Variants in MPPED2 observed in about 807,000 individuals in gnomAD.
The protein encoded by MPPED2 is metallophosphoesterase domain containing 2.
A neutral mutation model predicts 33.0 loss-of-function variants in MPPED2; 5 were observed. The ratio of observed to expected loss-of-function variants is 0.15; its 90% CI spans 0.08 to 0.32. The LOEUF is 0.32. MPPED2 is among the 10% of genes least tolerant of loss of function. The probability of loss-of-function intolerance (pLI) is 1.00; values close to 1 mark genes in which losing one functional copy is unlikely to be tolerated. For synonymous variants in MPPED2, 136 were observed against 141.9 expected, an observed-to-expected ratio of 0.96 and a Z score of 0.29; for missense variants, 275 against 372.1, an observed-to-expected ratio of 0.74 and a Z score of 2.15.
At chr11:30,533,699 C>A (rs943036977) in intron 3 of MPPED2, among the ~76,000 whole-genome samples, 1 of 152,078 alleles carries the variant, frequency 6.6e-6, no homozygotes, top group Non-Finnish European at 1.5e-5. Flanking sequence ...CTTCTCTAAC[C>A]ATATCCCAGG....
intron 2 of MPPED2, among the ~76,000 whole-genome samples, chr11:30,579,053 T>C (rs2134899037): frequency 6.6e-6 from 1 of 151,786 alleles, no homozygotes; most frequent in South Asian, 2.1e-4. Context: ...AACGGCTGCT[T>C]TGCAGAAATC....
At chr11:30,548,713 G>A (rs111329861) in intron 2 of MPPED2, among the ~76,000 whole-genome samples, 45 of 152,312 alleles carry the variant, frequency 3.0e-4, no homozygotes, top group African/African-American at 1.1e-3. Context: ...AAGAACTGGA[G>A]TAATGTCATT....
rs879918300 is a variant in MPPED2 at position 30,576,880 on chromosome 11, TA to T, written c.128+3365del. On this transcript the variant is annotated intron_variant, in intron 2 of 6. Coordinates refer to ENST00000358117, the MANE Select transcript of MPPED2 (RefSeq NM_001584.3). ...CCCAAGGTCATACAGGATTGCTTTC[TA>T]AAAAAAAAAAACTTCCCTCCATAAC... is the stretch of plus-strand genomic sequence containing the variant. Among the ~76,000 whole-genome samples, 116 of 142,826 alleles carry T rather than the reference TA, an allele frequency of 8.1e-4. 1 individual carries two copies. Among genetic ancestry groups the T allele is most frequent in the East Asian group, 1.8e-3 (9 of 4,906 alleles). The allele number at this position is 142,826 out of a possible 152,430, so 93.7% of individuals were successfully genotyped here. A position where few individuals can be genotyped will look rare whatever the true frequency, so the allele number is the denominator to read the frequency against.
chr11:30,577,493 G>A (rs1590927166), intron 2 of MPPED2, among the ~76,000 whole-genome samples: 1 of 152,278 alleles, frequency 6.6e-6, no homozygotes, highest in Non-Finnish European at 1.5e-5. Flanking sequence ...TCGGGGAGAG[G>A]AGCAAAGTTC....
chr11:30,559,576 T>A (rs1956146140), intron 2 of MPPED2, among the ~76,000 whole-genome samples: 1 of 152,174 alleles, frequency 6.6e-6, no homozygotes. Context: ...GAAATGTTTT[T>A]CCTAGATACA....
chr11:30,479,454 T>C (rs1190013117), intron 4 of MPPED2, among the ~76,000 whole-genome samples: 1 of 152,010 alleles, frequency 6.6e-6, no homozygotes, highest in Admixed American at 6.6e-5. Context: ...AGGGGGAGAA[T>C]CTACAAACAA....
chr11:30,463,688 G>T (rs1332163547), intron 4 of MPPED2, among the ~76,000 whole-genome samples: 1 of 152,148 alleles, frequency 6.6e-6, no homozygotes, highest in African/African-American at 2.4e-5. Context: ...ACATGTTAAG[G>T]CCACATCAAA....
intron 4 of MPPED2, among the ~76,000 whole-genome samples, chr11:30,479,269 G>A (rs1008987732): frequency 3.3e-5 from 5 of 152,018 alleles, no homozygotes; most frequent in East Asian, 1.9e-4. Flanking sequence ...TAAGGTCACC[G>A]GAGACCTGAC....
downstream of MPPED2, among the ~76,000 whole-genome samples, chr11:30,406,567 A>C (rs1947992529): frequency 6.6e-6 from 1 of 152,224 alleles, no homozygotes; most frequent in Non-Finnish European, 1.5e-5. Context: ...GGGAGGGAAA[A>C]GTAGCTCTAA....
At chr11:30,493,413 C>T (rs529800220) in intron 4 of MPPED2, among the ~76,000 whole-genome samples, 3 of 150,982 alleles carry the variant, frequency 2.0e-5, no homozygotes, top group Non-Finnish European at 4.4e-5. Flanking sequence ...TTTTAACTTA[C>T]AGAGGACAAG....
intron 3 of MPPED2, among the ~76,000 whole-genome samples, chr11:30,522,647 G>A (rs1015168281): frequency 6.6e-6 from 1 of 152,140 alleles, no homozygotes; most frequent in Non-Finnish European, 1.5e-5. Flanking sequence ...CTTAACCTTG[G>A]GCTCCACTCC....
intron 4 of MPPED2, among the ~76,000 whole-genome samples, chr11:30,425,285 C>T (rs2133812525): frequency 1.3e-5 from 2 of 152,242 alleles, no homozygotes; most frequent in Non-Finnish European, 1.5e-5. Flanking sequence ...CAAGTGTCAG[C>T]ATTAAGCCTC....
intron 2 of MPPED2, among the ~76,000 whole-genome samples, chr11:30,539,105 A>T (rs1449515236): frequency 1.3e-5 from 2 of 152,164 alleles, no homozygotes; most frequent in Admixed American, 6.5e-5. Flanking sequence ...CCCTCAGGAA[A>T]CTACTCCTCC....
At chr11:30,471,034 A>G (rs494221) in intron 4 of MPPED2, among the ~76,000 whole-genome samples, 111,864 of 152,096 alleles carry the variant, frequency 0.74, 41,782 homozygotes, top group East Asian at 0.92. Context: ...GACTCAATTA[A>G]TGGTTCATTA....
chr11:30,472,485 C>T (rs1411648081), intron 4 of MPPED2, among the ~76,000 whole-genome samples: 1 of 152,164 alleles, frequency 6.6e-6, no homozygotes, highest in Non-Finnish European at 1.5e-5. Context: ...AGGTTTCACA[C>T]TTTTGCTCCA....
Position 30,494,652 on chromosome 11 carries a change from T to A in MPPED2, c.536+644A>T, listed in dbSNP as rs1952149769. Reference sequence around the variant, plus strand: ...ACTTTGGAGGCTGAGGCAGGAGAATTGCTCGAACCCAGGAGGCGGAGGTTG... The same window carrying A: ...ACTTTGGAGGCTGAGGCAGGAGAATAGCTCGAACCCAGGAGGCGGAGGTTG... On this transcript the variant is annotated intron_variant, in intron 4 of 6. Coordinates refer to ENST00000358117, the MANE Select transcript of MPPED2 (RefSeq NM_001584.3). 4.9e-5 allele frequency among the ~76,000 whole-genome samples: 7 copies of A among 143,972 alleles called. No homozygotes were observed. The Admixed American group carries it at 5.1e-4, about 11-fold the overall frequency. The allele number at this position is 143,972 out of a possible 152,430, so 94.5% of individuals were successfully genotyped here. A position where few individuals can be genotyped will look rare whatever the true frequency, so the allele number is the denominator to read the frequency against.
chr11:30,504,817 G>T, intron 3 of MPPED2: 1 of 1,285,974 alleles, frequency 7.8e-7, no homozygotes, highest in Non-Finnish European at 1.0e-6. Context: ...TTCCATGCTT[G>T]CAATGGGAAA....
rs148022422 is a variant in MPPED2 at position 30,420,719 on chromosome 11, G to T, written c.537-3086C>A. Among the ~76,000 whole-genome samples the T allele has an allele frequency of 2.1e-3, 320 of 152,220 alleles. 6 individuals carry two copies. The highest frequency in any genetic ancestry group is 7.0e-3 in the African/African-American group (289 of 41,550). The stretch of plus-strand genomic sequence containing the variant: ...GGGAGGCACCTGGCATTGGAGGCCT[G>T]GGGATAATGCCAGGTAGACCCTTCT... On this transcript the variant is annotated intron_variant, in intron 4 of 6. Transcript: ENST00000358117.
intron 3 of MPPED2, among the ~76,000 whole-genome samples, chr11:30,515,124 T>A (rs1237461334): frequency 6.6e-6 from 1 of 152,098 alleles, no homozygotes; most frequent in African/African-American, 2.4e-5. Flanking sequence ...CCTTTATACG[T>A]TAACCTACCT....
Sources: gnomAD v4.1 joint callset for allele counts (sites outside exome capture counted in the v4.1 genomes callset) on GRCh38, gnomAD v4.1.1 for gene constraint, MANE v1.5 for transcripts, NCBI Gene and HGNC (gene_info 2026-07-23, HGNC 2026-07-21) for gene names.